Variants in MCTP1 observed in about 807,000 individuals in gnomAD.
MCTP1 encodes multiple C2 and transmembrane domain-containing protein 1.
MCTP1 carries 69 observed loss-of-function variants against 120.6 expected under a neutral mutation model. The ratio of observed to expected loss-of-function variants is 0.57; its 90% CI spans 0.47 to 0.70. The LOEUF is 0.70. Among genes scored for constraint, MCTP1 ranks in the 30% least tolerant of loss-of-function variants. MCTP1 has a pLI of 0.00. For synonymous variants in MCTP1, 529 were observed against 493.1 expected, an observed-to-expected ratio of 1.07 and a Z score of -0.96; for missense variants, 1,203 against 1,248.8, an observed-to-expected ratio of 0.96 and a Z score of 0.55.
chr5:94,982,321 A>G (rs952627515), intron 2 of MCTP1, among the ~76,000 whole-genome samples: 1 of 152,138 alleles, frequency 6.6e-6, no homozygotes, highest in South Asian at 2.1e-4. Context: ...CTTGGTACTG[A>G]TACAATAACA....
chr5:94,771,795 C>T lies in MCTP1; in HGVS notation c.2610+7315G>A, dbSNP rs185468082. On this transcript the variant is annotated intron_variant, in intron 19 of 22. Coordinates refer to ENST00000515393, the MANE Select transcript of MCTP1 (RefSeq NM_024717.7). ...TACTAGTTTCCTATTGCTGCTGTAA[C>T]ATGTTATTATAAACCTAGGTGCTTG... Among the ~76,000 whole-genome samples, 118 of 152,266 alleles carry T rather than the reference C, an allele frequency of 7.7e-4. 1 individual carries two copies. The highest frequency in any genetic ancestry group is 1.4e-3 in the Non-Finnish European group (92 of 68,034).
chr5:94,913,113 T>TC, intron 8 of MCTP1, 137 bp from the exon 9 acceptor site: 3 of 340,646 alleles, frequency 8.8e-6, no homozygotes, highest in Non-Finnish European at 1.6e-5. Context: ...TAAAAATAAT[T>TC]ATGAATTATT....
At chr5:94,899,897 G>A (rs1805053668) in intron 10 of MCTP1, among the ~76,000 whole-genome samples, 1 of 152,018 alleles carries the variant, frequency 6.6e-6, no homozygotes, top group Non-Finnish European at 1.5e-5. Flanking sequence ...TCCTAATAAA[G>A]CACCAGCACT....
intron 3 of MCTP1, among the ~76,000 whole-genome samples, chr5:94,952,947 C>T (rs1270677431): frequency 2.0e-5 from 3 of 152,202 alleles, no homozygotes; most frequent in Admixed American, 6.5e-5. Flanking sequence ...TGCTCCCAAA[C>T]TGCACTAAAT....
chr5:94,904,788 A>G (rs1048845581), intron 10 of MCTP1, among the ~76,000 whole-genome samples: 3 of 152,196 alleles, frequency 2.0e-5, no homozygotes, highest in Admixed American at 6.5e-5. Flanking sequence ...CCAGTGTTAA[A>G]TCAAGCTTCA....
chr5:94,981,930 G>A (rs1829498798), intron 2 of MCTP1, among the ~76,000 whole-genome samples: 3 of 152,076 alleles, frequency 2.0e-5, no homozygotes, highest in Admixed American at 2.0e-4. Flanking sequence ...AAATAAGAGA[G>A]CAAATGAATA....
At chr5:95,093,390 A>T (rs1755995422) in intron 1 of MCTP1, among the ~76,000 whole-genome samples, 1 of 152,102 alleles carries the variant, frequency 6.6e-6, no homozygotes, top group African/African-American at 2.4e-5. Context: ...CTTTTAAGTG[A>T]GTGGGTCTAC....
At chr5:95,191,319 G>A (rs1749806013) in intron 1 of MCTP1, among the ~76,000 whole-genome samples, 1 of 151,946 alleles carries the variant, frequency 6.6e-6, no homozygotes. Flanking sequence ...TATTTAGACA[G>A]TTTAAGCAGA....
At chr5:94,954,218 T>C (rs1389002437) in intron 2 of MCTP1, among the ~76,000 whole-genome samples, 1 of 129,266 alleles carries the variant, frequency 7.7e-6, no homozygotes, top group Non-Finnish European at 1.6e-5. Flanking sequence ...CATGGAATAC[T>C]ACTCAGCCAT....
intron 10 of MCTP1, among the ~76,000 whole-genome samples, chr5:94,895,360 A>G (rs748666895): frequency 8.5e-5 from 13 of 152,366 alleles, no homozygotes; most frequent in South Asian, 2.1e-4. Context: ...AAACCGAAAT[A>G]AAAACATATA....
Position 94,708,506 on chromosome 5 carries a change from A to G in MCTP1, c.2928+6T>C, listed in dbSNP as rs774718770. 2 of 1,544,364 alleles carry G rather than the reference A, an allele frequency of 1.3e-6. No individual in the cohort carries two copies. Among genetic ancestry groups the G allele is most frequent in the Non-Finnish European group, 1.8e-6 (2 of 1,117,676 alleles). ...AATAGCAATAATAATAACGAAACCTACATACCACTTGTACATCTGAAGGGA... is the reference window on the plus strand; with the variant it reads ...AATAGCAATAATAATAACGAAACCTGCATACCACTTGTACATCTGAAGGGA... On this transcript the variant is annotated splice_donor_region_variant and intron_variant, in intron 22 of 22. Coordinates refer to ENST00000515393, the MANE Select transcript of MCTP1 (RefSeq NM_024717.7).
intron 17 of MCTP1, among the ~76,000 whole-genome samples, chr5:94,813,994 A>G (rs1783972531): frequency 6.6e-6 from 1 of 152,208 alleles, no homozygotes; most frequent in Admixed American, 6.5e-5. Context: ...GCAAATCCCT[A>G]GAGACAGAAA....
intron 1 of MCTP1, among the ~76,000 whole-genome samples, chr5:95,208,501 T>A (rs1751937591): frequency 6.6e-6 from 1 of 152,200 alleles, no homozygotes; most frequent in Non-Finnish European, 1.5e-5. Context: ...TTTTCCCATG[T>A]TTTAGCTCAT....
chr5:94,888,983 C>T lies in MCTP1; in HGVS notation c.1840-11G>A. ...TATCCTCAATGGGCTCTGAAAGACC[C>T]CAACATCAGTATTAGAAAAGGGAGG... On this transcript the variant is annotated splice_polypyrimidine_tract_variant and intron_variant, in intron 11 of 22. Transcript: ENST00000515393. The T allele has an allele frequency of 6.3e-7, 1 of 1,580,576 alleles. No individual in the cohort carries two copies. Among genetic ancestry groups the T allele is most frequent in the Non-Finnish European group, 8.7e-7 (1 of 1,149,646 alleles).
At chr5:95,204,942 TC>T in intron 1 of MCTP1, among the ~76,000 whole-genome samples, 1 of 152,122 alleles carries the variant, frequency 6.6e-6, no homozygotes, top group African/African-American at 2.4e-5. Context: ...GATTTAACAC[TC>T]TATCAGAATC....
chr5:95,267,770 A>C (rs959053184), intron 1 of MCTP1, among the ~76,000 whole-genome samples: 1 of 152,096 alleles, frequency 6.6e-6, no homozygotes, highest in African/African-American at 2.4e-5. Context: ...TAAAGTCCAA[A>C]ATCTCCCCAA....
intron 1 of MCTP1, among the ~76,000 whole-genome samples, chr5:95,101,031 A>T (rs1408438076): frequency 6.6e-6 from 1 of 152,226 alleles, no homozygotes; most frequent in Non-Finnish European, 1.5e-5. Context: ...TGACAATGTC[A>T]TGACTTACGC....
At position 94,904,437 on chromosome 5, in the gene MCTP1, T is replaced by G. The variant is rs78456247; in HGVS notation, c.1652+4814A>C. ...CCTGCAGGTTGTAAAGCATTATTATTATTGTTTCTTTCCATTTATGGTAAA... is the reference window on the plus strand; with the variant it reads ...CCTGCAGGTTGTAAAGCATTATTATGATTGTTTCTTTCCATTTATGGTAAA... On this transcript the variant is annotated intron_variant, in intron 10 of 22. Transcript: ENST00000515393. 9.3e-3 allele frequency among the ~76,000 whole-genome samples: 1,419 copies of G among 152,316 alleles called. 18 individuals carry two copies. The highest frequency in any genetic ancestry group is 0.031 in the African/African-American group (1,284 of 41,566).
At chr5:95,189,822 C>T (rs963383433) in intron 1 of MCTP1, among the ~76,000 whole-genome samples, 2 of 152,112 alleles carry the variant, frequency 1.3e-5, no homozygotes, top group Non-Finnish European at 2.9e-5. Context: ...ATCTTCAAGA[C>T]TTACTGGGTA....
Sources: allele counts gnomAD v4.1 joint callset (sites outside exome capture counted in the v4.1 genomes callset), GRCh38; gene constraint gnomAD v4.1.1; transcripts MANE v1.5; gene names NCBI Gene and HGNC (gene_info 2026-07-23, HGNC 2026-07-21).